TMEM35A: variants seen among roughly 807,000 people sequenced by gnomAD.
The protein encoded by TMEM35A is transmembrane protein 35A, also known as nicotinic acetylcholine receptor chaperone.
For synonymous variants in TMEM35A, 50 were observed against 54.7 expected (o/e 0.91, Z 0.38); for missense variants, 83 against 132.7 (o/e 0.63, Z 1.84).
chrX:101,093,017 A>G (rs1451796623), intron 1 of TMEM35A, among the ~76,000 whole-genome samples: 4 of 112,499 alleles, frequency 3.6e-5, no homozygotes, highest in Non-Finnish European at 5.6e-5. Flanking sequence ...ACATTTGCAT[A>G]CATTTTTATT....
intron 1 of TMEM35A, chrX:101,081,716 A>G (rs2089292436): frequency 1.8e-5 from 2 of 112,285 alleles, no homozygotes; most frequent in African/African-American, 6.5e-5. Context: ...GGCATTTCTT[A>G]TAAGATCTCA....
chrX:101,087,491 C>T (rs938008608), intron 1 of TMEM35A, among the ~76,000 whole-genome samples: 5 of 111,812 alleles, frequency 4.5e-5, no homozygotes, highest in Non-Finnish European at 9.4e-5. Context: ...GAAGCAACAG[C>T]GGCATAAAAA....
At chrX:101,094,123 A>AT (rs1248678416) in intron 1 of TMEM35A, among the ~76,000 whole-genome samples, 1,688 of 104,752 alleles carry the variant, frequency 0.016, 40 homozygotes, top group African/African-American at 0.052. Context: ...TTGTGTTTGG[A>AT]TTTTTTTTTT....
intron 1 of TMEM35A, among the ~76,000 whole-genome samples, chrX:101,083,259 G>A (rs1265540293): frequency 2.7e-5 from 3 of 112,141 alleles, no homozygotes; most frequent in African/African-American, 3.2e-5. Flanking sequence ...GTGCTGGGAC[G>A]CAGTTTCCTG....
At chrX:101,087,918 G>A (rs376485660) in intron 1 of TMEM35A, among the ~76,000 whole-genome samples, 5 of 110,526 alleles carry the variant, frequency 4.5e-5, no homozygotes, top group Admixed American at 9.7e-5. Context: ...AGGCTGAGGC[G>A]GGAGAATCAC....
At chrX:101,090,814 A>G (rs1347202432) in intron 1 of TMEM35A, among the ~76,000 whole-genome samples, 2 of 109,173 alleles carry the variant, frequency 1.8e-5, no homozygotes, top group Non-Finnish European at 3.8e-5. Context: ...CCCACATCCA[A>G]TGAGACACCA....
At chrX:101,087,184 A>G (rs1470515204) in intron 1 of TMEM35A, among the ~76,000 whole-genome samples, 1 of 110,718 alleles carries the variant, frequency 9.0e-6, no homozygotes, top group Non-Finnish European at 1.9e-5. Flanking sequence ...TCGAACTCCC[A>G]ACCTCAGGTG....
chrX:101,094,639 C>G lies in TMEM35A; in HGVS notation c.187C>G (p.Leu63Val). The change falls in exon 2 of 2, where the codon CTC (leucine) becomes GTC (valine). Residue 63 changes from leucine to valine, a missense_variant. By Grantham distance (32) the Leu-to-Val change is conservative. Transcript: ENST00000372930. Reference sequence around the variant, plus strand: ...GAAGAAAATGGGGATCAATTCCATTCTCCTCCGAAAAAGCATTGGTGCCCT... The same window carrying G: ...GAAGAAAATGGGGATCAATTCCATTGTCCTCCGAAAAAGCATTGGTGCCCT... ...LLKKMGINSI[L>V]LRKSIGALEV... The G allele has an allele frequency of 8.3e-7, 1 of 1,211,160 alleles. No individual in the cohort carries two copies. The highest frequency in any genetic ancestry group is 1.1e-6 in the Non-Finnish European group (1 of 895,160).
chrX:101,090,165 C>CTTTTTTTT (rs1569495904), intron 1 of TMEM35A, among the ~76,000 whole-genome samples: 1 of 98,161 alleles, frequency 1.0e-5, no homozygotes, highest in African/African-American at 5.1e-5. Context: ...CCATTTCTTT[C>CTTTTTTTT]TTTCTTTTTT....
chrX:101,093,885 A>T (rs904547708), intron 1 of TMEM35A, among the ~76,000 whole-genome samples: 1 of 111,481 alleles, frequency 9.0e-6, no homozygotes, highest in Admixed American at 9.6e-5. Context: ...GTGTCCTCAC[A>T]TGGCAGAAGG....
At position 101,092,052 on chromosome X, in the gene TMEM35A, G is replaced by A. The variant is rs376893767; in HGVS notation, c.121-2521G>A. Among the ~76,000 whole-genome samples, 18 of 110,789 alleles carry A rather than the reference G, an allele frequency of 1.6e-4. No individual in the cohort carries two copies. The East Asian group carries it at 2.0e-3, about 12-fold the overall frequency. The stretch of plus-strand genomic sequence containing the variant: ...ATTGCACTTGTGTATTTACATATCC[G>A]CTCTTCCCCTTATAAACTTCAAGCT... On this transcript the variant is annotated intron_variant, in intron 1 of 1. Transcript: ENST00000372930.
intron 1 of TMEM35A, among the ~76,000 whole-genome samples, chrX:101,091,972 T>C (rs938556465): frequency 8.9e-6 from 1 of 111,761 alleles, no homozygotes; most frequent in Non-Finnish European, 1.9e-5. Context: ...CCACTCCCTC[T>C]GGTGTGCCTA....
intron 1 of TMEM35A, among the ~76,000 whole-genome samples, chrX:101,080,650 A>G (rs181201723): frequency 0.011 from 1,174 of 108,445 alleles, 5 homozygotes; most frequent in Middle Eastern, 0.028. Flanking sequence ...GTTGGGACAG[A>G]GGGACAGGGT....
chrX:101,082,296 G>A lies in TMEM35A; in HGVS notation c.120+3174G>A, dbSNP rs955789401. 7.6e-5 allele frequency among the ~76,000 whole-genome samples: 8 copies of A among 105,703 alleles called. No homozygotes were observed. The Admixed American group carries it at 8.4e-4, about 11-fold the overall frequency. The allele number at this position is 105,703 out of a possible 115,157, so 91.8% of individuals were successfully genotyped here. ...TCTCCTGTTTCTACTGGAGAAGCCA[G>A]CAAGGGTTAGTGGAAAGAGTGCAGG... is the stretch of plus-strand genomic sequence containing the variant. On this transcript the variant is annotated intron_variant, in intron 1 of 1. Transcript: ENST00000372930.
At chrX:101,079,368 C>G (rs772864108) in intron 1 of TMEM35A, among the ~76,000 whole-genome samples, 1 of 111,082 alleles carries the variant, frequency 9.0e-6, no homozygotes, top group Non-Finnish European at 1.9e-5. Flanking sequence ...TACCCCCCAT[C>G]CCAAGTAAAC....
At chrX:101,088,253 C>T (rs1252490645) in intron 1 of TMEM35A, among the ~76,000 whole-genome samples, 8 of 112,050 alleles carry the variant, frequency 7.1e-5, no homozygotes, top group Admixed American at 6.6e-4. Context: ...GTGTTTATCA[C>T]ATCAGAAGTT....
At chrX:101,087,035 C>T (rs191175371) in intron 1 of TMEM35A, among the ~76,000 whole-genome samples, 288 of 103,445 alleles carry the variant, frequency 2.8e-3, no homozygotes, top group Admixed American at 6.4e-3. Flanking sequence ...CGGCTCACTG[C>T]GGCCTCTGCC....
chrX:101,090,697 T>C (rs948604219), intron 1 of TMEM35A, among the ~76,000 whole-genome samples: 2 of 110,803 alleles, frequency 1.8e-5, no homozygotes, highest in African/African-American at 6.6e-5. Context: ...TTCCTCCTGA[T>C]TATCTGATAT....
intron 1 of TMEM35A, among the ~76,000 whole-genome samples, chrX:101,092,017 A>G (rs1477314607): frequency 2.7e-5 from 3 of 111,140 alleles, no homozygotes; most frequent in African/African-American, 9.8e-5. Context: ...TCCAGCACTT[A>G]TAACACTTTA....
Sources: allele counts gnomAD v4.1 joint callset (sites outside exome capture counted in the v4.1 genomes callset), GRCh38; gene constraint gnomAD v4.1.1; transcripts MANE v1.5; gene names NCBI Gene and HGNC (gene_info 2026-07-23, HGNC 2026-07-21).